Variants in NRG3 observed in about 807,000 individuals in gnomAD.
The protein encoded by NRG3 is pro-neuregulin-3, membrane-bound isoform.
A neutral mutation model predicts 66.9 loss-of-function variants in NRG3; 31 were observed. The ratio of observed to expected loss-of-function variants is 0.46; its 90% confidence interval spans 0.35 to 0.63. The LOEUF (loss-of-function observed/expected upper bound fraction) is 0.63, where lower values mean the gene tolerates loss of function less well. NRG3 is among the 20% of genes least tolerant of loss of function. The pLI is 0.00. For missense variants in NRG3, 910 were observed against 878.9 expected, an observed-to-expected ratio of 1.04 and a Z score of -0.45; for synonymous variants, 393 against 359.4, an observed-to-expected ratio of 1.09 and a Z score of -1.06.
At chr10:81,882,481 T>C (rs1420494402) in intron 1 of NRG3, among the ~76,000 whole-genome samples, 1 of 152,202 alleles carries the variant, frequency 6.6e-6, no homozygotes, top group East Asian at 1.9e-4. Context: ...ATAAAACCTC[T>C]AGCCGTGAAT....
chr10:82,893,153 C>G (rs1843320956), intron 4 of NRG3, among the ~76,000 whole-genome samples: 2 of 152,086 alleles, frequency 1.3e-5, no homozygotes, highest in Non-Finnish European at 1.5e-5. Flanking sequence ...ATCTGAAGAA[C>G]AGATACTGTT....
intron 3 of NRG3, among the ~76,000 whole-genome samples, chr10:82,792,315 G>A (rs1233609822): frequency 6.6e-6 from 1 of 152,054 alleles, no homozygotes; most frequent in Admixed American, 6.6e-5. Flanking sequence ...AAAAGTTTTG[G>A]CATTTCAGTA....
At chr10:82,943,722 A>G (rs1239340476) in intron 4 of NRG3, among the ~76,000 whole-genome samples, 1 of 152,204 alleles carries the variant, frequency 6.6e-6, no homozygotes, top group Non-Finnish European at 1.5e-5. Context: ...GAAAACATCT[A>G]CACAGACATA....
intron 1 of NRG3, among the ~76,000 whole-genome samples, chr10:81,908,624 T>A (rs1404471079): frequency 1.3e-5 from 2 of 152,188 alleles, no homozygotes; most frequent in Non-Finnish European, 2.9e-5. Context: ...CTTTGATGTT[T>A]CATGTTAAAC....
chr10:82,495,765 T>G (rs1843570445), intron 2 of NRG3, among the ~76,000 whole-genome samples: 1 of 151,962 alleles, frequency 6.6e-6, no homozygotes, highest in South Asian at 2.1e-4. Flanking sequence ...TGTCCATCTC[T>G]GTCTGGCTGT....
chr10:82,905,769 A>G (rs1173064538), intron 4 of NRG3, among the ~76,000 whole-genome samples: 3 of 151,954 alleles, frequency 2.0e-5, no homozygotes, highest in Admixed American at 2.0e-4. Context: ...ATTTGCTCAT[A>G]TTTATTTAAA....
chr10:82,782,604 T>C (rs2060164278), intron 3 of NRG3, among the ~76,000 whole-genome samples: 1 of 152,020 alleles, frequency 6.6e-6, no homozygotes, highest in Non-Finnish European at 1.5e-5. Flanking sequence ...AGTTGGGTAA[T>C]GGCTACGGGC....
At chr10:81,876,308 GC>G in intron 1 of NRG3, 145 bp downstream of exon 1, 1 of 1,224,466 alleles carries the variant, frequency 8.2e-7, no homozygotes, top group Non-Finnish European at 1.1e-6. Context: ...ATTAAAACTG[GC>G]CACCAGCGGG....
chr10:82,014,412 A>G (rs2061702066), intron 1 of NRG3, among the ~76,000 whole-genome samples: 1 of 152,158 alleles, frequency 6.6e-6, no homozygotes, highest in African/African-American at 2.4e-5. Flanking sequence ...GGTGTTTTTA[A>G]CCATCTCTGT....
At chr10:82,845,619 A>T (rs1010794794) in intron 3 of NRG3, among the ~76,000 whole-genome samples, 1 of 152,212 alleles carries the variant, frequency 6.6e-6, no homozygotes, top group Non-Finnish European at 1.5e-5. Flanking sequence ...AATAGAAAAT[A>T]AAAAGGAAAA....
intron 3 of NRG3, among the ~76,000 whole-genome samples, chr10:82,793,252 T>G (rs908702558): frequency 1.3e-5 from 2 of 152,114 alleles, no homozygotes; most frequent in African/African-American, 4.8e-5. Context: ...CATTTTTGAG[T>G]GGGAGTTTGT....
At chr10:82,949,998 G>A (rs1849374241) in intron 4 of NRG3, among the ~76,000 whole-genome samples, 1 of 152,110 alleles carries the variant, frequency 6.6e-6, no homozygotes, top group South Asian at 2.1e-4. Context: ...CTCTTAGTCT[G>A]CTCAAAAGTT....
intron 1 of NRG3, among the ~76,000 whole-genome samples, chr10:82,276,948 T>A (rs1280577118): frequency 6.6e-6 from 1 of 152,070 alleles, no homozygotes; most frequent in African/African-American, 2.4e-5. Flanking sequence ...TTTAATTTCC[T>A]GAAGTGTCTT....
At chr10:82,600,947 T>A (rs908859656) in intron 2 of NRG3, among the ~76,000 whole-genome samples, 7 of 152,096 alleles carry the variant, frequency 4.6e-5, no homozygotes, top group African/African-American at 1.7e-4. Flanking sequence ...CACATCTGCC[T>A]CCCACCCCTT....
At chr10:81,935,000 A>G (rs1338328990) in intron 1 of NRG3, among the ~76,000 whole-genome samples, 2 of 152,190 alleles carry the variant, frequency 1.3e-5, no homozygotes, top group East Asian at 3.8e-4. Context: ...GAATAGAACT[A>G]CTTTGTATTT....
chr10:82,453,609 G>A (rs750256271), intron 2 of NRG3, among the ~76,000 whole-genome samples: 3 of 151,846 alleles, frequency 2.0e-5, no homozygotes, highest in Admixed American at 1.3e-4. Flanking sequence ...GGTATCAATG[G>A]CACCTGGTGT....
chr10:82,702,867 A>C (rs867501027), intron 2 of NRG3, among the ~76,000 whole-genome samples: 2 of 152,160 alleles, frequency 1.3e-5, no homozygotes, highest in African/African-American at 4.8e-5. Flanking sequence ...ATGCTTTGAA[A>C]GTGCTGTAGT....
At position 81,899,411 on chromosome 10, in the gene NRG3, A is replaced by G. The variant is rs143112951; in HGVS notation, c.823+23248A>G. 2.9e-3 allele frequency among the ~76,000 whole-genome samples: 449 copies of G among 152,344 alleles called. 2 individuals are homozygous for G. The highest frequency in any genetic ancestry group is 0.01 in the African/African-American group (427 of 41,580). ...ATTTATGCTGATTGAAATGCTGATC[A>G]TTGGTGCAAACCGGCATCCCAGCAG... On this transcript the variant is annotated intron_variant, in intron 1 of 8. Coordinates refer to ENST00000372141, the MANE Select transcript of NRG3 (RefSeq NM_001010848.4).
chr10:82,634,785 T>G (rs1294705674), intron 2 of NRG3, among the ~76,000 whole-genome samples: 1 of 152,204 alleles, frequency 6.6e-6, no homozygotes, highest in Non-Finnish European at 1.5e-5. Flanking sequence ...TACTCACTTT[T>G]CCTCCATATG....
Sources: allele counts gnomAD v4.1 joint callset (sites outside exome capture counted in the v4.1 genomes callset), GRCh38; gene constraint gnomAD v4.1.1; transcripts MANE v1.5; gene names NCBI Gene and HGNC (gene_info 2026-07-23, HGNC 2026-07-21).